The following CDH13 variants were observed in gnomAD, a reference collection of about 807,000 sequenced individuals.
The protein encoded by CDH13 is cadherin 13.
A neutral mutation model predicts 63.8 loss-of-function variants in CDH13; 24 were observed. The observed-to-expected ratio is 0.38, with a 90% confidence interval of 0.27 to 0.53. The LOEUF (loss-of-function observed/expected upper bound fraction) is 0.53, where lower values mean the gene tolerates loss of function less well. Among genes scored for constraint, CDH13 ranks in the 20% least tolerant of loss-of-function variants. The pLI is 0.85. For synonymous variants in CDH13, 503 were observed against 355.3 expected (o/e 1.42, Z -4.67); for missense variants, 1,049 against 903.1 (o/e 1.16, Z -2.07).
At chr16:83,420,190 A>G (rs1373796553) in intron 6 of CDH13, among the ~76,000 whole-genome samples, 12 of 152,210 alleles carry the variant, frequency 7.9e-5, no homozygotes, top group African/African-American at 2.7e-4. Flanking sequence ...CCTACTCTCA[A>G]GGAACTAAAT....
chr16:82,682,148 C>G (rs772225599), intron 1 of CDH13, among the ~76,000 whole-genome samples: 2 of 152,132 alleles, frequency 1.3e-5, no homozygotes, highest in Non-Finnish European at 2.9e-5. Context: ...TCTCTTGTTC[C>G]CAATGATAAG....
rs370606115 is a variant in CDH13 at position 83,764,249 on chromosome 16, T to C, written c.1682-15719T>C. Among the ~76,000 whole-genome samples the C allele has an allele frequency of 3.6e-4, 55 of 152,216 alleles. 1 individual carries two copies. In the South Asian group the frequency reaches 0.01, roughly 28 times the overall value. On this transcript the variant is annotated intron_variant, in intron 11 of 13. Coordinates refer to ENST00000567109, the MANE Select transcript of CDH13 (RefSeq NM_001257.5). Reference sequence around the variant, plus strand: ...ATTTTTCTAGGGAATGGATGGGCCATGGACCCCCCCACTTGGACAAGGATG... The same window carrying C: ...ATTTTTCTAGGGAATGGATGGGCCACGGACCCCCCCACTTGGACAAGGATG...
In CDH13 at chr16:83,799,260, C is replaced by G. The variant is rs1403598509; in HGVS notation, c.*4230C>G. ...CCCAGGAGGCAGAGTTTGCAGTGAG[C>G]CATTGCACTCCAGCCTGGGCAACAG... is the stretch of plus-strand genomic sequence containing the variant. On this transcript the variant is annotated 3_prime_UTR_variant, in exon 14 of 14. Transcript: ENST00000567109. The G allele has an allele frequency of 2.0e-5, 3 of 148,138 alleles. No individual in the cohort carries two copies. Among genetic ancestry groups the G allele is most frequent in the African/African-American group, 7.5e-5 (3 of 39,862 alleles). The allele number at this position is 148,138 out of a possible 1,614,324, so 9.2% of individuals were successfully genotyped here.
intron 6 of CDH13, among the ~76,000 whole-genome samples, chr16:83,388,485 G>A (rs1339382855): frequency 2.0e-5 from 3 of 151,950 alleles, no homozygotes; most frequent in Non-Finnish European, 2.9e-5. Context: ...TTTGATCAAC[G>A]AGATTTGATG....
At chr16:83,191,544 T>C (rs1452528486) in intron 4 of CDH13, among the ~76,000 whole-genome samples, 3 of 140,742 alleles carry the variant, frequency 2.1e-5, no homozygotes, top group Non-Finnish European at 3.1e-5. Context: ...TATATATATA[T>C]ATATATATAT....
chr16:83,338,826 A>G (rs750388670), intron 5 of CDH13, among the ~76,000 whole-genome samples: 8 of 152,234 alleles, frequency 5.3e-5, no homozygotes, highest in African/African-American at 1.4e-4. Context: ...AAGAAGAGGG[A>G]TTCCTTGTAA....
intron 1 of CDH13, among the ~76,000 whole-genome samples, chr16:82,697,457 TCTCA>T (rs1246786835): frequency 7.8e-6 from 1 of 128,358 alleles, no homozygotes; most frequent in Non-Finnish European, 1.6e-5. Flanking sequence ...TGAGACAGAG[TCTCA>T]CTCTGTCACT....
intron 3 of CDH13, among the ~76,000 whole-genome samples, chr16:83,083,845 C>G (rs936431348): frequency 1.3e-5 from 2 of 152,166 alleles, no homozygotes; most frequent in African/African-American, 4.8e-5. Flanking sequence ...CAGCTATTAT[C>G]CCACCCATTT....
At chr16:83,691,070 C>CGTGTG (rs1567518564) in intron 10 of CDH13, among the ~76,000 whole-genome samples, 2 of 105,308 alleles carry the variant, frequency 1.9e-5, no homozygotes, top group African/African-American at 7.4e-5. Flanking sequence ...ACCAACTGTG[C>CGTGTG]CGTGTGTGTG....
Position 83,678,417 on chromosome 16 carries a change from A to C in CDH13, c.1494A>C (p.Thr498=). The C allele has an allele frequency of 6.2e-7, 1 of 1,614,002 alleles. No individual in the cohort carries two copies. The highest frequency in any genetic ancestry group is 8.5e-7 in the Non-Finnish European group (1 of 1,179,890). ...EDLSVGSVLL[T]VNATDPDSLQ... ...TCTCTGTGGGCAGCGTGCTGCTGAC[A>C]GTGAATGCCACGGACCCCGACTCCC... The change falls in exon 10 of 14, where the codon ACA becomes ACC. Residue 498 remains threonine, a synonymous_variant. Transcript: ENST00000567109.
At chr16:83,550,452 T>C (rs1163494886) in intron 7 of CDH13, among the ~76,000 whole-genome samples, 1 of 152,238 alleles carries the variant, frequency 6.6e-6, no homozygotes, top group African/African-American at 2.4e-5. Flanking sequence ...TGAATGTTGC[T>C]GGTGGCAGTG....
intron 6 of CDH13, among the ~76,000 whole-genome samples, chr16:83,363,413 A>G (rs552779992): frequency 6.6e-6 from 1 of 152,122 alleles, no homozygotes; most frequent in Non-Finnish European, 1.5e-5. Context: ...GCTAGGGAGG[A>G]AGGAATTTGG....
rs554237126 is a variant in CDH13 at position 83,127,621 on chromosome 16, G to A, written c.483+2120G>A. On this transcript the variant is annotated intron_variant, in intron 4 of 13. Transcript: ENST00000567109. ...GCACGCCTGTAATCCCAGCTACTTG[G>A]GAAGCTGAGGCAAGAGAACCACTTG... 2.6e-5 allele frequency among the ~76,000 whole-genome samples: 4 copies of A among 152,238 alleles called. No individual in the cohort carries two copies. The East Asian group carries it at 5.8e-4, about 22-fold the overall frequency.
intron 1 of CDH13, among the ~76,000 whole-genome samples, chr16:82,728,659 G>T (rs2033232343): frequency 6.6e-6 from 1 of 152,108 alleles, no homozygotes; most frequent in South Asian, 2.1e-4. Context: ...ATGGTTTCTG[G>T]CTGATCAGGG....
chr16:83,363,728 A>G (rs1184165721), intron 6 of CDH13, among the ~76,000 whole-genome samples: 1 of 152,190 alleles, frequency 6.6e-6, no homozygotes, highest in Non-Finnish European at 1.5e-5. Context: ...GGCACATGGG[A>G]GGTGGCAGAT....
At chr16:83,750,632 T>G (rs544879537) in intron 11 of CDH13, among the ~76,000 whole-genome samples, 2 of 152,284 alleles carry the variant, frequency 1.3e-5, no homozygotes, top group African/African-American at 4.8e-5. Context: ...AAGACAGGCA[T>G]GCACACAGGG....
chr16:83,743,419 C>T (rs542310953), intron 10 of CDH13, among the ~76,000 whole-genome samples: 1 of 152,194 alleles, frequency 6.6e-6, no homozygotes, highest in Non-Finnish European at 1.5e-5. Flanking sequence ...GGACTGCCTC[C>T]GAGTTCATGT....
intron 6 of CDH13, among the ~76,000 whole-genome samples, chr16:83,478,847 A>AG (rs2073682172): frequency 6.7e-6 from 1 of 150,130 alleles, no homozygotes; most frequent in Non-Finnish European, 1.5e-5. Context: ...AAAAAAAAAA[A>AG]AAAAAAGAAA....
At chr16:82,861,013 C>T (rs746822789) in intron 2 of CDH13, among the ~76,000 whole-genome samples, 4 of 152,214 alleles carry the variant, frequency 2.6e-5, no homozygotes, top group South Asian at 2.1e-4. Flanking sequence ...ATCAAGAAAC[C>T]AATGAGTGAA....
Sources: allele counts gnomAD v4.1 joint callset (sites outside exome capture counted in the v4.1 genomes callset), GRCh38; gene constraint gnomAD v4.1.1; transcripts MANE v1.5; gene names NCBI Gene and HGNC (gene_info 2026-07-23, HGNC 2026-07-21).